Variants in TMEM132D observed in about 807,000 individuals in gnomAD.
TMEM132D encodes mature OL transmembrane protein.
Under a neutral mutation model 62.3 loss-of-function variants are expected in TMEM132D, and 21 were observed. The ratio of observed to expected loss-of-function variants is 0.34; its 90% CI spans 0.24 to 0.49. The LOEUF (loss-of-function observed/expected upper bound fraction) is 0.49, where lower values mean the gene tolerates loss of function less well. Ranked by LOEUF, TMEM132D falls within the 20% of genes least tolerant of loss-of-function variation. The pLI, the probability that TMEM132D is intolerant of heterozygous loss-of-function variation, is 0.99. For synonymous variants in TMEM132D, 621 were observed against 575.6 expected (o/e 1.08, Z -1.13); for missense variants, 1,346 against 1,402.8 (o/e 0.96, Z 0.65).
At chr12:129,604,871 A>T (rs553449291) in intron 2 of TMEM132D, among the ~76,000 whole-genome samples, 2 of 152,326 alleles carry the variant, frequency 1.3e-5, no homozygotes, top group Non-Finnish European at 2.9e-5. Flanking sequence ...AATATTCAAC[A>T]ATACAAATGC....
chr12:129,311,119 A>G lies in TMEM132D; in HGVS notation c.1299+26515T>C, dbSNP rs1593332434. ...AGGCTGAGGCAGGAGAATGGCGTGA[A>G]CCCGGGAGGCGGAGCTTGCAGTGAG... is the stretch of plus-strand genomic sequence containing the variant. On this transcript the variant is annotated intron_variant, in intron 4 of 8. Transcript: ENST00000422113. Among the ~76,000 whole-genome samples the G allele has an allele frequency of 2.0e-5, 2 of 102,056 alleles. 1 individual carries two copies. Among genetic ancestry groups the G allele is most frequent in the African/African-American group, 9.1e-5 (2 of 21,930 alleles). 67.0% of individuals were successfully genotyped at this position (102,056 alleles called of 152,430 possible). A position where few individuals can be genotyped will look rare whatever the true frequency, so the allele number is the denominator to read the frequency against.
chr12:129,717,321 T>C (rs1458050649), intron 1 of TMEM132D, among the ~76,000 whole-genome samples: 1 of 152,216 alleles, frequency 6.6e-6, no homozygotes, highest in African/African-American at 2.4e-5. Flanking sequence ...ATTTGACACA[T>C]GGATTCTTCA....
intron 1 of TMEM132D, among the ~76,000 whole-genome samples, chr12:129,765,454 T>C (rs1243463815): frequency 6.6e-6 from 1 of 151,806 alleles, no homozygotes; most frequent in Non-Finnish European, 1.5e-5. Context: ...TAATCCCAGC[T>C]ACTCAGGAGG....
At chr12:129,325,412 A>G (rs1237720363) in intron 4 of TMEM132D, among the ~76,000 whole-genome samples, 2 of 152,326 alleles carry the variant, frequency 1.3e-5, no homozygotes, top group South Asian at 2.1e-4. Context: ...TGAACCACAC[A>G]TTACAGAATA....
At chr12:129,600,564 T>C (rs568266198) in intron 2 of TMEM132D, among the ~76,000 whole-genome samples, 12 of 152,342 alleles carry the variant, frequency 7.9e-5, no homozygotes, top group Admixed American at 2.0e-4. Flanking sequence ...CTGGCAGCCA[T>C]AGCCTTATCA....
In TMEM132D at chr12:129,074,656, T is replaced by G; in HGVS notation, c.2519A>C (p.Gln840Pro). 6.2e-7 allele frequency: 1 copy of G among 1,614,150 alleles called. No individual in the cohort carries two copies. Among genetic ancestry groups the G allele is most frequent in the Non-Finnish European group, 8.5e-7 (1 of 1,180,020 alleles). ...PSQEWGSQEG[Q>P]YYGSSSMGLM... ...TCCCATAGAAGAACTGCCATAGTAC[T>G]GTCCTTCCTGACTCCCCCATTCCTG... Residue 840 changes from glutamine to proline, a missense_variant, in exon 9 of 9, where the codon CAG becomes CCG. Transcript: ENST00000422113.
At chr12:129,704,195 C>T (rs920525157) in intron 1 of TMEM132D, among the ~76,000 whole-genome samples, 6 of 152,164 alleles carry the variant, frequency 3.9e-5, no homozygotes, top group African/African-American at 1.4e-4. Context: ...TGTTTTATTT[C>T]CCAAATCTGG....
intron 1 of TMEM132D, among the ~76,000 whole-genome samples, chr12:129,829,156 A>T (rs1872754110): frequency 6.6e-6 from 1 of 152,098 alleles, no homozygotes; most frequent in African/African-American, 2.4e-5. Flanking sequence ...TTCCTAGCTG[A>T]TATGTTATTC....
chr12:129,344,951 A>G (rs1204963902), intron 3 of TMEM132D, among the ~76,000 whole-genome samples: 2 of 152,084 alleles, frequency 1.3e-5, no homozygotes, highest in African/African-American at 4.8e-5. Context: ...TTTTGTTGCC[A>G]CTATGCCGAC....
intron 5 of TMEM132D, among the ~76,000 whole-genome samples, chr12:129,198,955 T>C (rs1878617318): frequency 6.6e-6 from 1 of 152,114 alleles, no homozygotes; most frequent in Non-Finnish European, 1.5e-5. Flanking sequence ...AGAAAATATG[T>C]GTTAAACTAT....
At chr12:129,562,776 T>C (rs966477013) in intron 2 of TMEM132D, among the ~76,000 whole-genome samples, 4 of 152,172 alleles carry the variant, frequency 2.6e-5, no homozygotes, top group Non-Finnish European at 4.4e-5. Flanking sequence ...GCTCATGCTA[T>C]TCCTGGGTGT....
At chr12:129,615,304 A>G (rs570167293) in intron 2 of TMEM132D, among the ~76,000 whole-genome samples, 1 of 152,138 alleles carries the variant, frequency 6.6e-6, no homozygotes, top group African/African-American at 2.4e-5. Flanking sequence ...TCAGGGATGA[A>G]TCTTCCGTCA....
intron 3 of TMEM132D, among the ~76,000 whole-genome samples, chr12:129,414,817 C>G (rs546609428): frequency 6.6e-6 from 1 of 152,286 alleles, no homozygotes; most frequent in South Asian, 2.1e-4. Flanking sequence ...TCTGTTCCCC[C>G]ACCCCACCGC....
chr12:129,783,309 A>G lies in TMEM132D; in HGVS notation c.80-82611T>C, dbSNP rs1192320166. Among the ~76,000 whole-genome samples, 3 of 152,224 alleles carry G rather than the reference A, an allele frequency of 2.0e-5. No individual in the cohort carries two copies. In the East Asian group the frequency reaches 5.8e-4, roughly 29 times the overall value. ...AGCATCCATCTACCTTCAGAGGGTC[A>G]GAGGGTTGGAAACACACTAGAAAAA... On this transcript the variant is annotated intron_variant, in intron 1 of 8. Transcript: ENST00000422113.
At chr12:129,493,001 AAGCTGAC>A (rs1241785810) in intron 3 of TMEM132D, among the ~76,000 whole-genome samples, 6 of 152,076 alleles carry the variant, frequency 3.9e-5, no homozygotes, top group Non-Finnish European at 8.8e-5. Context: ...GAGAATAATT[AAGCTGAC>A]AGGAGGAATT....
At chr12:129,626,013 A>C (rs1040263212) in intron 2 of TMEM132D, among the ~76,000 whole-genome samples, 3 of 152,190 alleles carry the variant, frequency 2.0e-5, no homozygotes, top group Non-Finnish European at 2.9e-5. Context: ...TTAGAAGCAT[A>C]GTAACTGACA....
intron 1 of TMEM132D, among the ~76,000 whole-genome samples, chr12:129,839,170 C>T (rs1873104402): frequency 9.6e-6 from 1 of 103,638 alleles, no homozygotes; most frequent in Non-Finnish European, 1.9e-5. Flanking sequence ...CTCGCACTGT[C>T]GCCTGGGCTA....
intron 2 of TMEM132D, among the ~76,000 whole-genome samples, chr12:129,574,542 C>T (rs532905706): frequency 3.9e-5 from 6 of 152,002 alleles, no homozygotes; most frequent in South Asian, 2.1e-4. Flanking sequence ...GAGCAAAATG[C>T]ATTTCACGTT....
At chr12:129,323,419 G>A (rs74242824) in intron 4 of TMEM132D, among the ~76,000 whole-genome samples, 2 of 151,390 alleles carry the variant, frequency 1.3e-5, no homozygotes, top group Non-Finnish European at 2.9e-5. Context: ...AAAACAAACA[G>A]AAAAAAAATA....
Sources: gnomAD v4.1 joint callset for allele counts (sites outside exome capture counted in the v4.1 genomes callset) on GRCh38, gnomAD v4.1.1 for gene constraint, MANE v1.5 for transcripts, NCBI Gene and HGNC (gene_info 2026-07-23, HGNC 2026-07-21) for gene names.